Variants in ZFYVE16 observed in about 807,000 individuals in gnomAD.
The protein encoded by ZFYVE16 is zinc finger FYVE-type containing 16.
In ZFYVE16, 89 loss-of-function variants were observed where a neutral mutation model predicts 138.1. The observed-to-expected ratio is 0.64, with a 90% CI of 0.54 to 0.77. The LOEUF (loss-of-function observed/expected upper bound fraction) is 0.77. Ranked by LOEUF, ZFYVE16 falls within the 30% of genes least tolerant of loss-of-function variation. The pLI is 0.00. For synonymous variants in ZFYVE16, 596 were observed against 618.3 expected, an observed-to-expected ratio of 0.96 and a Z score of 0.53; for missense variants, 1,793 against 1,786.7, an observed-to-expected ratio of 1.00 and a Z score of -0.06.
chr5:80,422,823 T>G (rs1747427654), intron 1 of ZFYVE16, among the ~76,000 whole-genome samples: 1 of 152,178 alleles, frequency 6.6e-6, no homozygotes, highest in Non-Finnish European at 1.5e-5. Context: ...ATATGGTAGA[T>G]TATATTGATT....
chr5:80,463,516 G>A (rs1278734369), intron 15 of ZFYVE16, among the ~76,000 whole-genome samples: 3 of 151,846 alleles, frequency 2.0e-5, no homozygotes, highest in Admixed American at 6.6e-5. Flanking sequence ...TAATGGGAGG[G>A]ACTGTTGTGA....
Position 80,448,204 on chromosome 5 carries a change from A to G in ZFYVE16, c.2903A>G (p.Asp968Gly), listed in dbSNP as rs749869617. The G allele has an allele frequency of 8.1e-6, 13 of 1,613,824 alleles. No individual in the cohort carries two copies. Among genetic ancestry groups the G allele is most frequent in the Non-Finnish European group, 2.5e-6 (3 of 1,179,920 alleles). ...CCTACTTCTGGTTCATTTACACTAG[A>G]TGATGATGTTTTTGCAGAAACTGAA... ...GLPTSGSFTL[D>G]DDVFAETEEP... is the part of the protein sequence containing the mutation. The change falls in exon 8 of 19, where the codon GAT (aspartate) becomes GGT (glycine). Residue 968 changes from aspartate (D) to glycine (G), a missense_variant. Transcript: ENST00000505560.
chr5:80,435,700 C>T (rs1294774269), intron 3 of ZFYVE16: 1 of 428,422 alleles, frequency 2.3e-6, no homozygotes, highest in Non-Finnish European at 4.6e-6. Context: ...TTCTGAGTAG[C>T]TGGGACCACA....
In ZFYVE16 at chr5:80,483,379, A is replaced by G. The variant is rs1379164315; in HGVS notation, c.*6002A>G. On this transcript the variant is annotated 3_prime_UTR_variant, in exon 19 of 19. Transcript: ENST00000505560. ...GCTGAAATAAAAAAATTGTAACATC[A>G]TCTTTTGGGATTTTCAATGCATATA... 6.6e-6 allele frequency among the ~76,000 whole-genome samples: 1 copy of G among 152,208 alleles called. No individual in the cohort carries two copies.
chr5:80,465,773 T>C (rs1753686049), intron 15 of ZFYVE16, among the ~76,000 whole-genome samples: 1 of 152,050 alleles, frequency 6.6e-6, no homozygotes, highest in African/African-American at 2.4e-5. Context: ...TATGTGATGA[T>C]TTGCTTTATT....
At chr5:80,410,269 A>C (rs1745222684) in intron 1 of ZFYVE16, 1 of 152,152 alleles carries the variant, frequency 6.6e-6, no homozygotes, top group Non-Finnish European at 1.5e-5. Context: ...ACATATTGTC[A>C]CATTGTTTTC....
chr5:80,473,975 C>T (rs1754644347), intron 17 of ZFYVE16, 116 bp downstream of exon 17: 1 of 727,660 alleles, frequency 1.4e-6, no homozygotes, highest in South Asian at 1.9e-5. Flanking sequence ...ACTTTTTATG[C>T]TACACTTTGA....
In ZFYVE16 at chr5:80,434,216, A is replaced by C; in HGVS notation, c.69A>C (p.Pro23=). 1 of 1,613,020 alleles carries C rather than the reference A, an allele frequency of 6.2e-7. No homozygotes were observed. Among genetic ancestry groups the C allele is most frequent in the Admixed American group, 1.7e-5 (1 of 59,988 alleles). Residue 23 remains proline, a splice_region_variant and synonymous_variant, in exon 3 of 19, where the codon CCA becomes CCC. Transcript: ENST00000505560. ...TCCTTGATGATTTTGAACAGAACCC[A>C]GGTTTGTTGATTTTCCATTTTTGCC... is the stretch of plus-strand genomic sequence containing the variant. ...DKLLDDFEQN[P]DEQDYLQDVQ...
intron 13 of ZFYVE16, 132 bp downstream of exon 13, chr5:80,456,697 G>T: frequency 1.1e-6 from 1 of 908,036 alleles, no homozygotes; most frequent in Non-Finnish European, 1.6e-6. Context: ...TTTTTGAAAT[G>T]ATAGAATTTG....
At chr5:80,418,127 T>C (rs1374728004) in intron 1 of ZFYVE16, among the ~76,000 whole-genome samples, 1 of 152,192 alleles carries the variant, frequency 6.6e-6, no homozygotes, top group African/African-American at 2.4e-5. Flanking sequence ...AATTTTAAAA[T>C]TGGATTATTT....
chr5:80,435,586 A>G (rs1186534006), intron 3 of ZFYVE16, among the ~76,000 whole-genome samples: 3 of 152,014 alleles, frequency 2.0e-5, no homozygotes, highest in South Asian at 2.1e-4. Flanking sequence ...TTTTTTTCTA[A>G]GAGACAGGGT....
intron 1 of ZFYVE16, among the ~76,000 whole-genome samples, chr5:80,410,647 T>A (rs1424860691): frequency 6.6e-6 from 1 of 152,010 alleles, no homozygotes; most frequent in Non-Finnish European, 1.5e-5. Flanking sequence ...CTCGGCTCAC[T>A]GTAACCTCTG....
At chr5:80,458,694 T>G (rs1194029941) in intron 14 of ZFYVE16, among the ~76,000 whole-genome samples, 3 of 152,226 alleles carry the variant, frequency 2.0e-5, no homozygotes, top group Admixed American at 6.5e-5. Context: ...CATGCCGTTT[T>G]GTACACATTT....
chr5:80,464,798 G>T (rs935293098), intron 15 of ZFYVE16, among the ~76,000 whole-genome samples: 4 of 151,818 alleles, frequency 2.6e-5, no homozygotes, highest in Non-Finnish European at 5.9e-5. Flanking sequence ...TAATTCACTT[G>T]TCACTTCTTT....
At chr5:80,431,187 C>T (rs1413668677) in intron 2 of ZFYVE16, among the ~76,000 whole-genome samples, 4 of 152,190 alleles carry the variant, frequency 2.6e-5, no homozygotes, top group Admixed American at 2.6e-4. Context: ...CAAAAATCCT[C>T]AATCAAATAC....
At chr5:80,417,666 C>T (rs1746463255) in intron 1 of ZFYVE16, among the ~76,000 whole-genome samples, 2 of 152,152 alleles carry the variant, frequency 1.3e-5, no homozygotes, top group South Asian at 4.1e-4. Context: ...TTCTTTATAT[C>T]ACTGAATAAT....
Position 80,414,081 on chromosome 5 carries a change from T to C in ZFYVE16, c.-94+5928T>C, listed in dbSNP as rs139365105. Among the ~76,000 whole-genome samples the C allele has an allele frequency of 6.2e-3, 950 of 152,324 alleles. 10 individuals carry two copies. Among genetic ancestry groups the C allele is most frequent in the African/African-American group, 0.021 (879 of 41,560 alleles). On this transcript the variant is annotated intron_variant, in intron 1 of 18. Transcript: ENST00000505560. ...AAGTGTGAGGTTATTTCCTTTCTTG[T>C]ATAATTTTTGTTTTTCCTAGTTAAT...
chr5:80,481,706 T>G lies in ZFYVE16; in HGVS notation c.*4329T>G, dbSNP rs745309897. 6.6e-6 allele frequency among the ~76,000 whole-genome samples: 1 copy of G among 152,114 alleles called. No homozygotes were observed. The highest frequency in any genetic ancestry group is 1.5e-5 in the Non-Finnish European group (1 of 68,014). On this transcript the variant is annotated 3_prime_UTR_variant, in exon 19 of 19. Coordinates refer to ENST00000505560, the MANE Select transcript of ZFYVE16 (RefSeq NM_001284236.3). ...TATCCCAGAAACAACCCAAAATGAT[T>G]GGACAAAGAACTTGTGAAACCTAAG... is the stretch of plus-strand genomic sequence containing the variant.
chr5:80,479,772 T>TGAG lies in ZFYVE16; in HGVS notation c.*2397_*2399dup, dbSNP rs1481146616. The stretch of plus-strand genomic sequence containing the variant: ...ACCCTTACTCTGACAACCTTATGAG[T>TGAG]GAGGGGGACAGAAATTAAAGTTCAG... On this transcript the variant is annotated 3_prime_UTR_variant, in exon 19 of 19. Coordinates refer to ENST00000505560, the MANE Select transcript of ZFYVE16 (RefSeq NM_001284236.3). 6.6e-6 allele frequency among the ~76,000 whole-genome samples: 1 copy of TGAG among 151,934 alleles called. No homozygotes were observed. Among genetic ancestry groups the TGAG allele is most frequent in the Non-Finnish European group, 1.5e-5 (1 of 67,962 alleles).
Sources: gnomAD v4.1 joint callset for allele counts (sites outside exome capture counted in the v4.1 genomes callset) on GRCh38, gnomAD v4.1.1 for gene constraint, MANE v1.5 for transcripts, NCBI Gene and HGNC (gene_info 2026-07-23, HGNC 2026-07-21) for gene names.